OSBPL10: variants seen among roughly 807,000 people sequenced by gnomAD.
OSBPL10 encodes oxysterol binding protein like 10.
Under a neutral mutation model 81.7 loss-of-function variants are expected in OSBPL10, and 49 were observed. The observed-to-expected ratio is 0.60, with a 90% confidence interval of 0.48 to 0.76. The LOEUF (loss-of-function observed/expected upper bound fraction) is 0.76, where lower values mean the gene tolerates loss of function less well. Among genes scored for constraint, OSBPL10 ranks in the 30% least tolerant of loss-of-function variants. The probability of loss-of-function intolerance (pLI) is 0.00; values close to 1 mark genes in which losing one functional copy is unlikely to be tolerated. For missense variants in OSBPL10, 923 were observed against 987.8 expected (o/e 0.93, Z 0.88); for synonymous variants, 419 against 383.6 (o/e 1.09, Z -1.08).
At chr3:31,912,396 G>GGA (rs34401436) in intron 1 of OSBPL10, among the ~76,000 whole-genome samples, 5 of 143,008 alleles carry the variant, frequency 3.5e-5, no homozygotes, top group East Asian at 2.1e-4. Flanking sequence ...CTCTGTCTCG[G>GGA]AAAAAAAAAA....
At chr3:31,761,988 G>A (rs375297828) in intron 4 of OSBPL10, among the ~76,000 whole-genome samples, 26 of 152,130 alleles carry the variant, frequency 1.7e-4, no homozygotes, top group Middle Eastern at 3.4e-3. Context: ...TTGGAAGAAC[G>A]AGGTGGACCC....
At position 31,661,378 on chromosome 3, in the gene OSBPL10, G is replaced by C. The variant is rs570766556; in HGVS notation, c.*694C>G. 1 of 152,356 alleles carries C rather than the reference G, an allele frequency of 6.6e-6. No homozygotes were observed. The highest frequency in any genetic ancestry group is 2.4e-5 in the African/African-American group (1 of 41,584). The allele number at this position is 152,356 out of a possible 1,614,324, so 9.4% of individuals were successfully genotyped here. On this transcript the variant is annotated 3_prime_UTR_variant, in exon 12 of 12. Transcript: ENST00000396556. ...TGAATGACTAGCGCTGTGACCATGA[G>C]AGACGGGTGGAAAACTCCTTGGTGG...
At chr3:31,723,149 G>T (rs112832968) in intron 6 of OSBPL10, among the ~76,000 whole-genome samples, 12 of 152,334 alleles carry the variant, frequency 7.9e-5, no homozygotes, top group African/African-American at 2.9e-4. Context: ...CCAATAGAGA[G>T]AACTTTATGT....
intron 3 of OSBPL10, among the ~76,000 whole-genome samples, chr3:31,843,882 C>A (rs988073093): frequency 1.3e-5 from 2 of 152,150 alleles, no homozygotes; most frequent in African/African-American, 4.8e-5. Context: ...TCACTGGTGG[C>A]CCTGGACCAT....
Position 31,665,589 on chromosome 3 carries a change from C to T in OSBPL10, c.2097-1357G>A, listed in dbSNP as rs555103002. On this transcript the variant is annotated intron_variant, in intron 10 of 11. Coordinates refer to ENST00000396556, the MANE Select transcript of OSBPL10 (RefSeq NM_017784.5). ...GCCAACAGAAGAAACCCCAGCTGCA[C>T]ACACACAAGAAAACTGCTGGCACTG... is the stretch of plus-strand genomic sequence containing the variant. 2.0e-5 allele frequency among the ~76,000 whole-genome samples: 3 copies of T among 152,302 alleles called. No individual in the cohort carries two copies. In the East Asian group the frequency reaches 5.8e-4, roughly 29 times the overall value.
intron 3 of OSBPL10, among the ~76,000 whole-genome samples, chr3:31,863,936 A>T (rs1369284723): frequency 3.9e-5 from 6 of 152,206 alleles, no homozygotes; most frequent in Admixed American, 3.9e-4. Flanking sequence ...TACTGATACT[A>T]ATACTACTAC....
chr3:31,965,740 T>A (rs1436170671), intron 1 of OSBPL10, among the ~76,000 whole-genome samples: 10 of 66,240 alleles, frequency 1.5e-4, no homozygotes, highest in African/African-American at 4.6e-4. Flanking sequence ...TATTATCTAT[T>A]TATATAATAT....
intron 5 of OSBPL10, among the ~76,000 whole-genome samples, chr3:31,733,794 A>C (rs1488156087): frequency 6.9e-6 from 1 of 144,476 alleles, no homozygotes; most frequent in South Asian, 2.2e-4. Flanking sequence ...CGGGTAGATC[A>C]TGAGGTCAGA....
At chr3:31,943,518 C>A (rs555309370) in intron 1 of OSBPL10, among the ~76,000 whole-genome samples, 72 of 152,276 alleles carry the variant, frequency 4.7e-4, no homozygotes, top group African/African-American at 1.5e-3. Flanking sequence ...TTACACCACC[C>A]AGAGAAAGTC....
chr3:31,679,178 C>T (rs1013569617), intron 8 of OSBPL10, among the ~76,000 whole-genome samples: 2 of 152,136 alleles, frequency 1.3e-5, no homozygotes, highest in African/African-American at 4.8e-5. Flanking sequence ...CATAGAAGAC[C>T]CCTTCTTAAA....
intron 7 of OSBPL10, chr3:31,700,224 C>T (rs1465124353): frequency 2.6e-5 from 4 of 152,174 alleles, no homozygotes; most frequent in African/African-American, 4.8e-5. Context: ...GCAATGTCTG[C>T]TCTTTCAAGA....
chr3:32,019,975 C>T lies in OSBPL10; in HGVS notation n.298+26516G>A, dbSNP rs534825686. 6.6e-5 allele frequency among the ~76,000 whole-genome samples: 10 copies of T among 152,234 alleles called. No individual in the cohort carries two copies. In the South Asian group the frequency reaches 1.0e-3, roughly 16 times the overall value. Reference sequence around the variant, plus strand: ...GGATCAAACACGAACCCTGAATTTGCGGAGGGATTTCTCTCCCAGTTCCAC... The same window carrying T: ...GGATCAAACACGAACCCTGAATTTGTGGAGGGATTTCTCTCCCAGTTCCAC... On this transcript the variant is annotated intron_variant and non_coding_transcript_variant, in intron 2 of 3. Coordinates refer to the OSBPL10 transcript ENST00000479173.
intron 4 of OSBPL10, among the ~76,000 whole-genome samples, chr3:31,814,701 A>G (rs1036857122): frequency 3.3e-5 from 5 of 152,210 alleles, no homozygotes; most frequent in Non-Finnish European, 5.9e-5. Flanking sequence ...TCTAGCCTCA[A>G]TAACTGTGAG....
At chr3:32,008,979 T>C (rs552222878) in intron 2 of OSBPL10, among the ~76,000 whole-genome samples, 1 of 152,362 alleles carries the variant, frequency 6.6e-6, no homozygotes, top group South Asian at 2.1e-4. Context: ...ACAACAGTTA[T>C]CTCTGGAGAA....
intron 2 of OSBPL10, among the ~76,000 whole-genome samples, chr3:32,000,996 C>T (rs554068117): frequency 6.6e-6 from 1 of 152,280 alleles, no homozygotes; most frequent in South Asian, 2.1e-4. Flanking sequence ...GAGCTGTTAG[C>T]AGCCATGTTC....
chr3:31,783,024 T>C (rs1275121659), intron 4 of OSBPL10, among the ~76,000 whole-genome samples: 2 of 151,274 alleles, frequency 1.3e-5, no homozygotes, highest in South Asian at 2.1e-4. Flanking sequence ...ATTGCAAAAA[T>C]ATGGAACTAG....
chr3:31,848,672 C>G (rs1164188750), intron 3 of OSBPL10, among the ~76,000 whole-genome samples: 1 of 152,140 alleles, frequency 6.6e-6, no homozygotes, highest in East Asian at 1.9e-4. Context: ...ACCTCCTGCT[C>G]AGGTTTAAGG....
At chr3:32,008,070 G>A (rs1575084485) in intron 2 of OSBPL10, among the ~76,000 whole-genome samples, 1 of 152,078 alleles carries the variant, frequency 6.6e-6, no homozygotes, top group East Asian at 1.9e-4. Context: ...CAGGTTCCAG[G>A]GATTATGATG....
Position 31,882,743 on chromosome 3 carries a change from A to T in OSBPL10, c.282-2913T>A, listed in dbSNP as rs139682002. Among the ~76,000 whole-genome samples the T allele has an allele frequency of 3.9e-3, 600 of 152,274 alleles. 5 individuals are homozygous for T. The highest frequency in any genetic ancestry group is 0.014 in the African/African-American group (569 of 41,564). ...TTGGGAGAGCCTGGGTCCCTGAAAC[A>T]CCACCTGGAAGAGCATCACCTGCTG... On this transcript the variant is annotated intron_variant, in intron 1 of 11. Coordinates refer to ENST00000396556, the MANE Select transcript of OSBPL10 (RefSeq NM_017784.5).
Sources: gnomAD v4.1 joint callset for allele counts (sites outside exome capture counted in the v4.1 genomes callset) on GRCh38, gnomAD v4.1.1 for gene constraint, MANE v1.5 for transcripts, NCBI Gene and HGNC (gene_info 2026-07-23, HGNC 2026-07-21) for gene names.